ACYP2: variants seen among roughly 807,000 people sequenced by gnomAD.
The protein encoded by ACYP2 is acylphosphatase-2.
A neutral mutation model predicts 11.2 loss-of-function variants in ACYP2; 12 were observed. The ratio of observed to expected loss-of-function variants is 1.08; its 90% CI spans 0.69 to 1.74. ACYP2 has a LOEUF of 1.74. ACYP2 is among the 40% of genes most tolerant of loss of function. ACYP2 has a pLI of 0.00. For missense variants in ACYP2, 134 were observed against 101.9 expected (o/e 1.31, Z -1.35); for synonymous variants, 43 against 32.2 (o/e 1.33, Z -1.13).
intron 4 of ACYP2, among the ~76,000 whole-genome samples, chr2:54,096,213 G>T (rs1160181713): frequency 6.8e-6 from 1 of 147,250 alleles, no homozygotes; most frequent in Admixed American, 6.7e-5. Flanking sequence ...GCCGGGCAGA[G>T]ACGCTCCTCA....
intron 6 of ACYP2, among the ~76,000 whole-genome samples, chr2:54,163,717 G>A (rs1244611525): frequency 6.6e-6 from 1 of 152,102 alleles, no homozygotes; most frequent in Non-Finnish European, 1.5e-5. Context: ...TTAGCCAGGT[G>A]TGTTGGTGGA....
At chr2:54,261,454 C>T (rs935167627) in intron 6 of ACYP2, among the ~76,000 whole-genome samples, 2 of 152,110 alleles carry the variant, frequency 1.3e-5, no homozygotes, top group Admixed American at 6.6e-5. Context: ...GATATGGCTT[C>T]TTGGGAAGAG....
At chr2:54,033,117 G>A (rs1233717942) in intron 2 of ACYP2, among the ~76,000 whole-genome samples, 1 of 152,052 alleles carries the variant, frequency 6.6e-6, no homozygotes, top group African/African-American at 2.4e-5. Context: ...TCTGAGCTTT[G>A]TGAGGTCTGC....
At chr2:54,036,503 A>G (rs1458935567) in intron 2 of ACYP2, among the ~76,000 whole-genome samples, 3 of 152,192 alleles carry the variant, frequency 2.0e-5, no homozygotes, top group African/African-American at 7.2e-5. Flanking sequence ...ATATTTGATT[A>G]TCTATCTTCA....
In ACYP2 at chr2:54,088,978, T is replaced by A. The variant is rs962700903; in HGVS notation, c.277+31618T>A. The stretch of plus-strand genomic sequence containing the variant: ...CAGCTGAAAGACTGTTAGATAAGAC[T>A]ATTAGATAAGAAAGTAAGAAAGATA... On this transcript the variant is annotated intron_variant, in intron 4 of 6. Coordinates refer to ENST00000607452, the MANE Select transcript of ACYP2 (RefSeq NM_001320586.2). Among the ~76,000 whole-genome samples, 3 of 152,282 alleles carry A rather than the reference T, an allele frequency of 2.0e-5. 1 individual carries two copies. The South Asian group carries it at 6.2e-4, about 32-fold the overall frequency.
At chr2:54,078,864 C>T (rs1307025535) in intron 4 of ACYP2, among the ~76,000 whole-genome samples, 1 of 152,212 alleles carries the variant, frequency 6.6e-6, no homozygotes, top group African/African-American at 2.4e-5. Flanking sequence ...TCCCAAAGTG[C>T]TGGGACTACA....
chr2:54,170,476 T>C (rs1373678419), intron 6 of ACYP2, among the ~76,000 whole-genome samples: 2 of 152,176 alleles, frequency 1.3e-5, no homozygotes, highest in Non-Finnish European at 1.5e-5. Flanking sequence ...TTTTAGCGTT[T>C]TGTGACACTT....
intron 6 of ACYP2, among the ~76,000 whole-genome samples, chr2:54,175,884 A>C (rs933386372): frequency 7.9e-5 from 12 of 152,082 alleles, no homozygotes; most frequent in South Asian, 4.1e-4. Flanking sequence ...GGTATTAGGG[A>C]GTGGGGCCTT....
At chr2:54,120,882 G>A (rs1680110582) in intron 4 of ACYP2, among the ~76,000 whole-genome samples, 1 of 152,170 alleles carries the variant, frequency 6.6e-6, no homozygotes, top group Non-Finnish European at 1.5e-5. Context: ...TTTGCTTGGG[G>A]AGTCCTGAGG....
chr2:54,267,426 C>A, intron 6 of ACYP2: 3 of 1,425,696 alleles, frequency 2.1e-6, no homozygotes, highest in Non-Finnish European at 2.8e-6. Flanking sequence ...GGGGTGGGAA[C>A]AGAAGGAGGG....
chr2:54,050,895 C>A, intron 2 of ACYP2: 1 of 391,130 alleles, frequency 2.6e-6, no homozygotes, highest in Non-Finnish European at 4.5e-6. Flanking sequence ...CTGCCTCAGC[C>A]TTCTGAGTAG....
At chr2:54,032,054 A>C (rs1205058887) in intron 2 of ACYP2, among the ~76,000 whole-genome samples, 2 of 152,050 alleles carry the variant, frequency 1.3e-5, no homozygotes, top group African/African-American at 4.8e-5. Context: ...AGATTGCAAA[A>C]ATTTTCTCCC....
At chr2:54,283,036 T>A (rs1688914021) in intron 6 of ACYP2, among the ~76,000 whole-genome samples, 2 of 152,362 alleles carry the variant, frequency 1.3e-5, no homozygotes, top group East Asian at 3.9e-4. Flanking sequence ...AAATTAAAGA[T>A]GATAGCATGG....
At chr2:53,984,630 T>A (rs1044833323) in intron 2 of ACYP2, among the ~76,000 whole-genome samples, 35 of 149,500 alleles carry the variant, frequency 2.3e-4, no homozygotes, top group Admixed American at 3.4e-4. Context: ...TATTATATAT[T>A]ATATATATAG....
chr2:54,149,435 A>G (rs763145357), intron 6 of ACYP2, among the ~76,000 whole-genome samples: 3 of 152,192 alleles, frequency 2.0e-5, no homozygotes, highest in Non-Finnish European at 4.4e-5. Context: ...ATATTATTCC[A>G]ATTGCAGTGG....
chr2:54,050,734 A>G (rs112842243), intron 2 of ACYP2, among the ~76,000 whole-genome samples: 3 of 152,002 alleles, frequency 2.0e-5, no homozygotes, highest in Non-Finnish European at 4.4e-5. Context: ...CTCTAGTTCA[A>G]TTTTTGATTG....
At chr2:53,984,344 G>A (rs1336456559) in intron 2 of ACYP2, among the ~76,000 whole-genome samples, 3 of 151,996 alleles carry the variant, frequency 2.0e-5, no homozygotes, top group Middle Eastern at 3.2e-3. Context: ...TTGGGAGGCC[G>A]AGGCAGGTGC....
intron 6 of ACYP2, among the ~76,000 whole-genome samples, chr2:54,274,467 C>A (rs1429190640): frequency 6.6e-6 from 1 of 151,742 alleles, no homozygotes; most frequent in Admixed American, 6.6e-5. Flanking sequence ...ATAGTGAGCC[C>A]ATTTCTACAA....
At chr2:54,067,980 G>T (rs539265384) in intron 4 of ACYP2, among the ~76,000 whole-genome samples, 2 of 152,302 alleles carry the variant, frequency 1.3e-5, no homozygotes, top group Admixed American at 1.3e-4. Flanking sequence ...ATTGAGGGAA[G>T]GAGAATGAAC....
Sources: allele counts gnomAD v4.1 joint callset (sites outside exome capture counted in the v4.1 genomes callset), GRCh38; gene constraint gnomAD v4.1.1; transcripts MANE v1.5; gene names NCBI Gene and HGNC (gene_info 2026-07-23, HGNC 2026-07-21).